Variants in LRRC14 observed in about 807,000 individuals in gnomAD.
The protein encoded by LRRC14 is leucine rich repeat containing 14.
LRRC14 carries 16 observed loss-of-function variants against 25.3 expected under a neutral mutation model. The ratio of observed to expected loss-of-function variants is 0.63; its 90% confidence interval spans 0.43 to 0.96. LRRC14 has a LOEUF of 0.96. Ranked by LOEUF, LRRC14 falls within the 40% of genes least tolerant of loss-of-function variation. The pLI, the probability that LRRC14 is intolerant of heterozygous loss-of-function variation, is 0.00. For missense variants in LRRC14, 594 were observed against 660.5 expected (o/e 0.90, Z 1.10); for synonymous variants, 359 against 295.1 (o/e 1.22, Z -2.22).
chr8:144,522,235 C>CG lies in LRRC14; in HGVS notation c.*757_*758insG. On this transcript the variant is annotated 3_prime_UTR_variant, in exon 4 of 4. Transcript: ENST00000292524. ...GTGGCCGGCCAGGGCCAGCGAGGGACCCCCCCCATGCAGAGCTGGAGGTTG... is the reference window on the plus strand; with the variant it reads ...GTGGCCGGCCAGGGCCAGCGAGGGACGCCCCCCCATGCAGAGCTGGAGGTTG... 2.6e-6 allele frequency: 1 copy of CG among 392,150 alleles called. No homozygotes were observed. The highest frequency in any genetic ancestry group is 3.9e-6 in the Non-Finnish European group (1 of 258,724). The allele number at this position is 392,150 out of a possible 1,614,324, so 24.3% of individuals were successfully genotyped here.
In LRRC14 at chr8:144,524,447, G is replaced by A. The variant is rs1260820740; in HGVS notation, c.*2969G>A. The A allele has an allele frequency of 1.9e-6, 3 of 1,598,014 alleles. No homozygotes were observed. Among genetic ancestry groups the A allele is most frequent in the Non-Finnish European group, 1.7e-6 (2 of 1,179,858 alleles). ...TTAGACCCCAGGCGCTCACCGGCAG[G>A]TGCAAGAAGGTGAAATCCAGCAGCC... On this transcript the variant is annotated 3_prime_UTR_variant, in exon 4 of 4. Coordinates refer to ENST00000292524, the MANE Select transcript of LRRC14 (RefSeq NM_014665.4).
rs1291885788 is a variant in LRRC14 at position 144,521,800 on chromosome 8, T to C, written c.*322T>C. 2.9e-6 allele frequency: 1 copy of C among 340,392 alleles called. No homozygotes were observed. Among genetic ancestry groups the C allele is most frequent in the South Asian group, 4.2e-5 (1 of 23,974 alleles). The allele number at this position is 340,392 out of a possible 1,614,324, so 21.1% of individuals were successfully genotyped here. A position where few individuals can be genotyped will look rare whatever the true frequency, so the allele number is the denominator to read the frequency against. On this transcript the variant is annotated 3_prime_UTR_variant, in exon 4 of 4. Transcript: ENST00000292524. ...TTGTGCAAATGCTTTGGGATTCCAGTTGTGAGCTGAGAGAGATGATGGCCT... is the reference window on the plus strand; with the variant it reads ...TTGTGCAAATGCTTTGGGATTCCAGCTGTGAGCTGAGAGAGATGATGGCCT...
intron 1 of LRRC14, chr8:144,518,953 T>G (rs1374779879): frequency 6.6e-6 from 1 of 152,394 alleles, no homozygotes; most frequent in Non-Finnish European, 1.5e-5. Flanking sequence ...CTTTCCACAG[T>G]GGCTCTCCAG....
chr8:144,524,676 C>T lies in LRRC14; in HGVS notation c.*3198C>T. The stretch of plus-strand genomic sequence containing the variant: ...CAGAGCGGCGAGTGGCGCCAGGGCT[C>T]CCGGCTCTAGGCGGGCGATGTTGTT... On this transcript the variant is annotated 3_prime_UTR_variant, in exon 4 of 4. Coordinates refer to ENST00000292524, the MANE Select transcript of LRRC14 (RefSeq NM_014665.4). The T allele has an allele frequency of 6.8e-7, 1 of 1,481,148 alleles. No homozygotes were observed. The highest frequency in any genetic ancestry group is 8.9e-7 in the Non-Finnish European group (1 of 1,126,702). The allele number at this position is 1,481,148 out of a possible 1,614,324, so 91.8% of individuals were successfully genotyped here. A position where few individuals can be genotyped will look rare whatever the true frequency, so the allele number is the denominator to read the frequency against.
In LRRC14 at chr8:144,520,071, A is replaced by T. The variant is rs763604937; in HGVS notation, c.329+17A>T. 6.3e-7 allele frequency: 1 copy of T among 1,592,098 alleles called. No homozygotes were observed. Among genetic ancestry groups the T allele is most frequent in the Non-Finnish European group, 8.5e-7 (1 of 1,171,550 alleles). On this transcript the variant is annotated intron_variant, in intron 2 of 3. Coordinates refer to ENST00000292524, the MANE Select transcript of LRRC14 (RefSeq NM_014665.4). ...CCTCTGCAGGTATGGACTTATCTGG[A>T]GGGTCGTCAGGCCAGGGGTGTGTAA...
rs1194512229 is a variant in LRRC14, at chr8:144,523,050, A to T, written c.*1572A>T. 6.2e-7 allele frequency: 1 copy of T among 1,603,788 alleles called. No individual in the cohort carries two copies. The highest frequency in any genetic ancestry group is 8.5e-7 in the Non-Finnish European group (1 of 1,176,934). Reference sequence around the variant, plus strand: ...AAGAGCATGCCGCTGCCCGTGTCGGATGCCGAGTGTCCGCCCAGGCCCAGC... The same window carrying T: ...AAGAGCATGCCGCTGCCCGTGTCGGTTGCCGAGTGTCCGCCCAGGCCCAGC... On this transcript the variant is annotated 3_prime_UTR_variant, in exon 4 of 4. Transcript: ENST00000292524.
rs1816270613 is a variant in LRRC14, at chr8:144,524,417, C to T, written c.*2939C>T. On this transcript the variant is annotated 3_prime_UTR_variant, in exon 4 of 4. Coordinates refer to ENST00000292524, the MANE Select transcript of LRRC14 (RefSeq NM_014665.4). ...CGAGGGGCCATAATGGAGTATCCCG[C>T]CCCTTTAGACCCCAGGCGCTCACCG... 1 of 1,596,632 alleles carries T rather than the reference C, an allele frequency of 6.3e-7. No individual in the cohort carries two copies. The highest frequency in any genetic ancestry group is 8.5e-7 in the Non-Finnish European group (1 of 1,179,294).
In LRRC14 at chr8:144,520,985, C is replaced by T; in HGVS notation, c.989C>T (p.Ala330Val). 1.2e-6 allele frequency: 2 copies of T among 1,613,156 alleles called. No individual in the cohort carries two copies. Among genetic ancestry groups the T allele is most frequent in the East Asian group, 2.2e-5 (1 of 44,892 alleles). ...ALLPEDLRFL[A>V]RSPHAAHLKK... ...CTGCCTGAGGACCTACGCTTCCTGGCACGGAGCCCACATGCTGCCCACCTC... is the reference window on the plus strand; with the variant it reads ...CTGCCTGAGGACCTACGCTTCCTGGTACGGAGCCCACATGCTGCCCACCTC... The change falls in exon 4 of 4, where the codon GCA (alanine) becomes GTA (valine). Residue 330 changes from alanine (A) to valine (V), a missense_variant. Physicochemically the swap from Ala to Val is moderately conservative, Grantham distance 64. Coordinates refer to ENST00000292524, the MANE Select transcript of LRRC14 (RefSeq NM_014665.4).
In LRRC14 at chr8:144,522,236, C is replaced by CA. The variant is rs1381514376; in HGVS notation, c.*758_*759insA. ...TGGCCGGCCAGGGCCAGCGAGGGAC[C>CA]CCCCCCATGCAGAGCTGGAGGTTGG... is the stretch of plus-strand genomic sequence containing the variant. On this transcript the variant is annotated 3_prime_UTR_variant, in exon 4 of 4. Transcript: ENST00000292524. 2.0e-6 allele frequency: 1 copy of CA among 501,918 alleles called. No homozygotes were observed. Among genetic ancestry groups the CA allele is most frequent in the East Asian group, 3.6e-5 (1 of 27,764 alleles). The allele number at this position is 501,918 out of a possible 1,614,324, so 31.1% of individuals were successfully genotyped here.
Position 144,521,435 on chromosome 8 carries a change from C to G in LRRC14, c.1439C>G (p.Thr480Arg), listed in dbSNP as rs766507601. The G allele has an allele frequency of 1.1e-5, 17 of 1,607,902 alleles. No homozygotes were observed. The highest frequency in any genetic ancestry group is 1.4e-5 in the Non-Finnish European group (17 of 1,179,778). Residue 480 changes from threonine to arginine, a missense_variant, in exon 4 of 4, where the codon ACG becomes AGG. Coordinates refer to ENST00000292524, the MANE Select transcript of LRRC14 (RefSeq NM_014665.4). ...GGCCGTGCCCATGTGCTCTGGACCA[C>G]GGACATCTACGGGCGACTGGCTGCG... ...ASGRAHVLWT[T>R]DIYGRLAADY...
Position 144,524,992 on chromosome 8 carries a change from C to T in LRRC14, c.*3514C>T, listed in dbSNP as rs1397683440. The T allele has an allele frequency of 1.4e-6, 2 of 1,431,118 alleles. No homozygotes were observed. The highest frequency in any genetic ancestry group is 9.1e-7 in the Non-Finnish European group (1 of 1,094,878). 88.7% of individuals were successfully genotyped at this position (1,431,118 alleles called of 1,614,324 possible). A position where few individuals can be genotyped will look rare whatever the true frequency, so the allele number is the denominator to read the frequency against. On this transcript the variant is annotated 3_prime_UTR_variant, in exon 4 of 4. Transcript: ENST00000292524. ...AGGGCCATCTCCCGAGGCCCGGTTC[C>T]TCACCGGCCCTTCCGCGGTTCAGCC...
chr8:144,519,375 A>G (rs2130764432), intron 1 of LRRC14: 1 of 384,944 alleles, frequency 2.6e-6, no homozygotes, highest in Admixed American at 3.9e-5. Flanking sequence ...AGAGGCCTGA[A>G]GTACCCATGG....
At position 144,521,419 on chromosome 8, in the gene LRRC14, C is replaced by T; in HGVS notation, c.1423C>T (p.His475Tyr). Residue 475 changes from histidine (H) to tyrosine (Y), a missense_variant, in exon 4 of 4, where the codon CAT (histidine) becomes TAT (tyrosine). Coordinates refer to ENST00000292524, the MANE Select transcript of LRRC14 (RefSeq NM_014665.4). Reference sequence around the variant, plus strand: ...GCTGCTTCTAGCCTCAGGCCGTGCCCATGTGCTCTGGACCACGGACATCTA... The same window carrying T: ...GCTGCTTCTAGCCTCAGGCCGTGCCTATGTGCTCTGGACCACGGACATCTA... ...HQLLLASGRA[H>Y]VLWTTDIYGR... 1 of 1,610,366 alleles carries T rather than the reference C, an allele frequency of 6.2e-7. No individual in the cohort carries two copies. The highest frequency in any genetic ancestry group is 2.2e-5 in the East Asian group (1 of 44,888).
At position 144,519,390 on chromosome 8, in the gene LRRC14, C is replaced by A. The variant is rs965234086; in HGVS notation, c.-111-225C>A. 7.1e-6 allele frequency: 3 copies of A among 423,762 alleles called. No homozygotes were observed. In the East Asian group the frequency reaches 1.3e-4, roughly 18 times the overall value. 26.3% of individuals were successfully genotyped at this position (423,762 alleles called of 1,614,324 possible). Reference sequence around the variant, plus strand: ...AGAGGCCTGAAGTACCCATGGGGGGCCCTGCAAGGCAACAGGCATCTGTCA... The same window carrying A: ...AGAGGCCTGAAGTACCCATGGGGGGACCTGCAAGGCAACAGGCATCTGTCA... On this transcript the variant is annotated intron_variant, in intron 1 of 3. Coordinates refer to ENST00000292524, the MANE Select transcript of LRRC14 (RefSeq NM_014665.4).
chr8:144,524,613 A>C lies in LRRC14; in HGVS notation c.*3135A>C. The C allele has an allele frequency of 6.6e-7, 1 of 1,523,874 alleles. No individual in the cohort carries two copies. Among genetic ancestry groups the C allele is most frequent in the Non-Finnish European group, 8.7e-7 (1 of 1,143,934 alleles). 94.4% of individuals were successfully genotyped at this position (1,523,874 alleles called of 1,614,324 possible). ...CTGCGCGCGGAAGGCGCCGGCCTCC[A>C]GGGCGCGCAGGCTGTTGTTGTGCAG... On this transcript the variant is annotated 3_prime_UTR_variant, in exon 4 of 4. Transcript: ENST00000292524.
Position 144,521,457 on chromosome 8 carries a change from T to C in LRRC14, c.1461T>C (p.Ala487=). Residue 487 remains alanine (A), a synonymous_variant, in exon 4 of 4, where the codon GCT becomes GCC. Coordinates refer to ENST00000292524, the MANE Select transcript of LRRC14 (RefSeq NM_014665.4). ...LWTTDIYGRL[A]ADYFSL is the part of the protein sequence containing the mutation. ...CCACGGACATCTACGGGCGACTGGC[T>C]GCGGACTACTTCAGCCTATGATGAA... is the stretch of plus-strand genomic sequence containing the variant. 2 of 1,602,848 alleles carry C rather than the reference T, an allele frequency of 1.2e-6. No homozygotes were observed. The highest frequency in any genetic ancestry group is 8.5e-7 in the Non-Finnish European group (1 of 1,178,830).
Position 144,523,231 on chromosome 8 carries a change from G to C in LRRC14, c.*1753G>C. On this transcript the variant is annotated 3_prime_UTR_variant, in exon 4 of 4. Coordinates refer to ENST00000292524, the MANE Select transcript of LRRC14 (RefSeq NM_014665.4). ...CTGTGAGCTCCAGCGGCTGCACGTG[G>C]ACAGAGGGCGGAATGCAGATGAGGC... The C allele has an allele frequency of 6.2e-7, 1 of 1,610,128 alleles. No individual in the cohort carries two copies. The highest frequency in any genetic ancestry group is 1.3e-5 in the African/African-American group (1 of 75,026).
In LRRC14 at chr8:144,520,809, G is replaced by A; in HGVS notation, c.901G>A (p.Asp301Asn). 3 of 1,597,250 alleles carry A rather than the reference G, an allele frequency of 1.9e-6. No homozygotes were observed. Among genetic ancestry groups the A allele is most frequent in the Non-Finnish European group, 2.5e-6 (3 of 1,178,930 alleles). Reference protein sequence around the residue: ...MGSSLLSGRLDQLLSTLQSPL... With the variant: ...MGSSLLSGRLNQLLSTLQSPL... ...CTCCTCTCTCCTTTCAGGGAGGCTGGACCAGCTGCTCAGGTGAGCGGGCCC... is the reference window on the plus strand; with the variant it reads ...CTCCTCTCTCCTTTCAGGGAGGCTGAACCAGCTGCTCAGGTGAGCGGGCCC... Residue 301 changes from aspartate to asparagine, a missense_variant, in exon 3 of 4, where the codon GAC (aspartate) becomes AAC (asparagine). By Grantham distance (23) the Asp-to-Asn change is conservative. Transcript: ENST00000292524.
chr8:144,521,469 C>T lies in LRRC14; in HGVS notation c.1473C>T (p.Phe491=), dbSNP rs1424388835. Residue 491 remains phenylalanine, a synonymous_variant, in exon 4 of 4, where the codon TTC becomes TTT. Coordinates refer to ENST00000292524, the MANE Select transcript of LRRC14 (RefSeq NM_014665.4). The stretch of plus-strand genomic sequence containing the variant: ...ACGGGCGACTGGCTGCGGACTACTT[C>T]AGCCTATGATGAAGTAGCTCTGGGT... ...DIYGRLAADY[F]SL The T allele has an allele frequency of 1.3e-6, 2 of 1,598,686 alleles. No individual in the cohort carries two copies. Among genetic ancestry groups the T allele is most frequent in the Middle Eastern group, 1.7e-4 (1 of 6,018 alleles).
Sources: gnomAD v4.1 joint callset for allele counts on GRCh38, gnomAD v4.1.1 for gene constraint, MANE v1.5 for transcripts, NCBI Gene and HGNC (gene_info 2026-07-23, HGNC 2026-07-21) for gene names.